ARHGAP6: variants seen among roughly 807,000 people sequenced by gnomAD.
ARHGAP6 encodes Rho GTPase activating protein 6, also known as rho GTPase-activating protein 6.
ARHGAP6 carries 16 observed loss-of-function variants against 55.7 expected under a neutral mutation model. The ratio of observed to expected loss-of-function variants is 0.29; its 90% CI spans 0.19 to 0.44. The LOEUF is 0.44. ARHGAP6 is among the 20% of genes least tolerant of loss of function. The pLI is 1.00. For synonymous variants in ARHGAP6, 382 were observed against 360.9 expected (o/e 1.06, Z -0.66); for missense variants, 698 against 808.9 (o/e 0.86, Z 1.66).
chrX:11,521,493 C>T (rs1306845206), intron 1 of ARHGAP6, among the ~76,000 whole-genome samples: 1 of 111,553 alleles, frequency 9.0e-6, no homozygotes, highest in African/African-American at 3.3e-5. Flanking sequence ...TTTCTGAGGG[C>T]TCTGTTCTGT....
intron 1 of ARHGAP6, among the ~76,000 whole-genome samples, chrX:11,318,426 CATTG>C (rs897972397): frequency 3.6e-5 from 4 of 111,739 alleles, no homozygotes; most frequent in African/African-American, 6.5e-5. Context: ...ATCCAACAAT[CATTG>C]ATTATGTCTT....
At chrX:11,649,281 T>C (rs1389898696) in intron 1 of ARHGAP6, among the ~76,000 whole-genome samples, 1 of 111,639 alleles carries the variant, frequency 9.0e-6, no homozygotes, top group African/African-American at 3.3e-5. Context: ...AGACACCAGC[T>C]GGAAGCAGCC....
intron 1 of ARHGAP6, among the ~76,000 whole-genome samples, chrX:11,315,413 G>T (rs954301294): frequency 8.9e-6 from 1 of 112,110 alleles, no homozygotes; most frequent in Non-Finnish European, 1.9e-5. Flanking sequence ...TCTGACGGGC[G>T]GCGGAGCACA....
intron 2 of ARHGAP6, among the ~76,000 whole-genome samples, chrX:11,247,637 G>A (rs746729951): frequency 8.9e-6 from 1 of 112,034 alleles, no homozygotes; most frequent in East Asian, 2.8e-4. Context: ...GGTAAGCTTG[G>A]TTTGGCCATG....
intron 1 of ARHGAP6, among the ~76,000 whole-genome samples, chrX:11,417,093 T>TAC (rs2049760509): frequency 1.6e-5 from 1 of 63,043 alleles, no homozygotes; most frequent in Non-Finnish European, 3.2e-5. Flanking sequence ...TATATATATA[T>TAC]ATATATATAT....
At chrX:11,452,167 A>G (rs1276512895) in intron 1 of ARHGAP6, among the ~76,000 whole-genome samples, 2 of 112,140 alleles carry the variant, frequency 1.8e-5, no homozygotes, top group African/African-American at 6.5e-5. Context: ...TATTTTTTTG[A>G]GACTGAGTCT....
At chrX:11,175,024 A>G (rs111628689) in intron 8 of ARHGAP6, among the ~76,000 whole-genome samples, 2,778 of 111,089 alleles carry the variant, frequency 0.025, 30 homozygotes, top group Middle Eastern at 0.065. Context: ...AATGTTTATA[A>G]TAGGAATTGC....
chrX:11,434,836 G>A (rs986209552), intron 1 of ARHGAP6, among the ~76,000 whole-genome samples: 1 of 111,774 alleles, frequency 8.9e-6, no homozygotes, highest in Admixed American at 9.5e-5. Flanking sequence ...AAATAGAGAG[G>A]ATGAGCCAGG....
intron 1 of ARHGAP6, among the ~76,000 whole-genome samples, chrX:11,385,089 A>G (rs1255293923): frequency 8.9e-6 from 1 of 111,952 alleles, no homozygotes; most frequent in African/African-American, 3.2e-5. Context: ...TGTATAAATG[A>G]CTATAGCACA....
At chrX:11,550,126 A>G (rs954887779) in intron 1 of ARHGAP6, among the ~76,000 whole-genome samples, 4 of 112,159 alleles carry the variant, frequency 3.6e-5, no homozygotes, top group Non-Finnish European at 5.6e-5. Context: ...GGACTTCAAT[A>G]TGCAGAGAAA....
rs181117362 is a variant in ARHGAP6 at position 11,502,555 on chromosome X, C to T, written c.588+161686G>A. Among the ~76,000 whole-genome samples the T allele has an allele frequency of 9.3e-3, 1,038 of 111,941 alleles. 8 individuals carry two copies. Among genetic ancestry groups the T allele is most frequent in the Non-Finnish European group, 0.015 (791 of 53,171 alleles). On this transcript the variant is annotated intron_variant, in intron 1 of 12. Coordinates refer to ENST00000337414, the MANE Select transcript of ARHGAP6 (RefSeq NM_013427.3). ...TGAAATATGCAAGTCAATTTATATG[C>T]TGATTTTCTCCTGCCTTTGCCACCT...
At chrX:11,170,024 C>T (rs1018517006) in intron 8 of ARHGAP6, among the ~76,000 whole-genome samples, 1 of 111,677 alleles carries the variant, frequency 9.0e-6, no homozygotes, top group Non-Finnish European at 1.9e-5. Context: ...CTCCATCCAT[C>T]CCTTCATTCA....
chrX:11,648,500 T>C (rs2052552833), intron 1 of ARHGAP6, among the ~76,000 whole-genome samples: 1 of 111,940 alleles, frequency 8.9e-6, no homozygotes, highest in Admixed American at 9.5e-5. Context: ...ACCATAGTAT[T>C]GTTGCCTTTC....
intron 1 of ARHGAP6, among the ~76,000 whole-genome samples, chrX:11,338,793 T>A (rs1452439259): frequency 8.9e-6 from 1 of 112,414 alleles, no homozygotes; most frequent in African/African-American, 3.2e-5. Context: ...ACTATTCTGC[T>A]TTTATTCTAC....
chrX:11,604,949 T>C (rs2052016870), intron 1 of ARHGAP6, among the ~76,000 whole-genome samples: 1 of 111,721 alleles, frequency 9.0e-6, no homozygotes. Flanking sequence ...CAAGGATAAT[T>C]CTGGTCAGGG....
chrX:11,526,631 G>T (rs1944227618), intron 1 of ARHGAP6, among the ~76,000 whole-genome samples: 2 of 111,632 alleles, frequency 1.8e-5, no homozygotes, highest in Non-Finnish European at 3.8e-5. Context: ...TTCCCAACTT[G>T]TGGGACATGA....
At chrX:11,254,356 A>G (rs1005635368) in intron 2 of ARHGAP6, among the ~76,000 whole-genome samples, 192 bp downstream of exon 2, 1 of 111,858 alleles carries the variant, frequency 8.9e-6, no homozygotes, top group Non-Finnish European at 1.9e-5. Flanking sequence ...AAATAAATGT[A>G]TTACCTGACA....
intron 8 of ARHGAP6, among the ~76,000 whole-genome samples, chrX:11,174,179 G>A (rs1394276802): frequency 9.0e-6 from 1 of 111,593 alleles, no homozygotes; most frequent in Non-Finnish European, 1.9e-5. Flanking sequence ...TAACAGAAGG[G>A]GTTTGGCTAA....
At chrX:11,644,156 T>C (rs1171206370) in intron 1 of ARHGAP6, among the ~76,000 whole-genome samples, 1 of 111,348 alleles carries the variant, frequency 9.0e-6, no homozygotes, top group Non-Finnish European at 1.9e-5. Context: ...TGTGAAGATA[T>C]TGGGCAGCTA....
Sources: allele counts gnomAD v4.1 joint callset (sites outside exome capture counted in the v4.1 genomes callset), GRCh38; gene constraint gnomAD v4.1.1; transcripts MANE v1.5; gene names NCBI Gene and HGNC (gene_info 2026-07-23, HGNC 2026-07-21).